RYR1: variants seen among roughly 807,000 people sequenced by gnomAD.
The protein encoded by RYR1 is central core disease of muscle.
In RYR1, 342 loss-of-function variants were observed where a neutral mutation model predicts 583.5. That is an observed-to-expected ratio of 0.59 (90% CI 0.54 to 0.64). The LOEUF is 0.64. Among genes scored for constraint, RYR1 ranks in the 30% least tolerant of loss-of-function variants. The pLI, the probability that RYR1 is intolerant of heterozygous loss-of-function variation, is 0.00. For synonymous variants in RYR1, 2,791 were observed against 2,822.5 expected (o/e 0.99, Z 0.35); for missense variants, 6,032 against 6,917.2 (o/e 0.87, Z 4.54).
intron 63 of RYR1, among the ~76,000 whole-genome samples, chr19:38,513,418 G>T (rs891649333): frequency 1.3e-5 from 2 of 152,150 alleles, no homozygotes; most frequent in African/African-American, 4.8e-5. Context: ...GGCCAAGGTA[G>T]GAAGATCTCT....
At chr19:38,513,231 G>A (rs1970808368) in intron 63 of RYR1, among the ~76,000 whole-genome samples, 1 of 152,162 alleles carries the variant, frequency 6.6e-6, no homozygotes, top group Non-Finnish European at 1.5e-5. Flanking sequence ...TAGCTACCTG[G>A]GAGGCTGAGG....
At chr19:38,507,576 CAG>C in intron 57 of RYR1, 134 bp from the exon 58 acceptor site, 1 of 716,744 alleles carries the variant, frequency 1.4e-6, no homozygotes. Context: ...ATGGGGGACT[CAG>C]AGTGGAGCCC....
intron 89 of RYR1, among the ~76,000 whole-genome samples, chr19:38,548,662 T>C (rs192042925): frequency 3.9e-5 from 6 of 152,334 alleles, no homozygotes; most frequent in Non-Finnish European, 7.3e-5. Flanking sequence ...CACTGCAGCC[T>C]TGACCTCCTG....
At chr19:38,526,339 C>G (rs986711602) in intron 71 of RYR1, among the ~76,000 whole-genome samples, 1 of 151,788 alleles carries the variant, frequency 6.6e-6, no homozygotes, top group Non-Finnish European at 1.5e-5. Flanking sequence ...CTATAGCCCT[C>G]CCCCCAGGAC....
intron 37 of RYR1, 133 bp from the exon 38 acceptor site, chr19:38,492,357 T>G (rs1969586351): frequency 3.4e-6 from 3 of 889,026 alleles, no homozygotes; most frequent in East Asian, 5.4e-5. Flanking sequence ...CAAGACACTG[T>G]CTCAAAAAAA....
chr19:38,532,993 A>T (rs1971811053), intron 78 of RYR1, among the ~76,000 whole-genome samples: 1 of 150,624 alleles, frequency 6.6e-6, no homozygotes, highest in Non-Finnish European at 1.5e-5. Flanking sequence ...GGGATTGAGG[A>T]GGCTCAGGCA....
In RYR1 at chr19:38,466,290, C is replaced by T. The variant is rs780121053; in HGVS notation, c.3070C>T (p.Arg1024Cys). 7.4e-6 allele frequency: 12 copies of T among 1,611,986 alleles called. No individual in the cohort carries two copies. Among genetic ancestry groups the T allele is most frequent in the South Asian group, 3.3e-5 (3 of 90,912 alleles). Residue 1024 changes from arginine to cysteine, a missense_variant, in exon 24 of 106, where the codon CGC becomes TGC. Coordinates refer to ENST00000359596, the MANE Select transcript of RYR1 (RefSeq NM_000540.3). ...CCGAAACCCTCGGCTGGTGCCCTAC[C>T]GCCTGCTGGATGAAGCCACCAAGCG... is the stretch of plus-strand genomic sequence containing the variant. ...ARRNPRLVPY[R>C]LLDEATKRSN...
At chr19:38,509,534 G>C (rs977742835) in intron 58 of RYR1, among the ~76,000 whole-genome samples, 1 of 150,266 alleles carries the variant, frequency 6.7e-6, no homozygotes, top group Non-Finnish European at 1.5e-5. Flanking sequence ...CTCACTGCAG[G>C]CTCCGCCTCC....
In RYR1 at chr19:38,473,602, T is replaced by C; in HGVS notation, c.3991T>C (p.Tyr1331His). Reference protein sequence around the residue: ...EARAAEPDPDYENLRRSAGGW... With the variant: ...EARAAEPDPDHENLRRSAGGW... ...CCGGGCGGCGGAACCCGACCCTGAC[T>C]ACGAAAACCTGCGCCGCTCAGCTGG... The change falls in exon 28 of 106, where the codon TAC becomes CAC. Residue 1331 changes from tyrosine to histidine, a missense_variant. By Grantham distance (83) the Tyr-to-His change is moderately conservative (BLOSUM62 2). This residue lies in a region of RYR1 where 2,627 missense variants were observed against 2,961.3 expected (regional missense o/e 0.89). Coordinates refer to ENST00000359596, the MANE Select transcript of RYR1 (RefSeq NM_000540.3). 6.3e-7 allele frequency: 1 copy of C among 1,576,856 alleles called. No homozygotes were observed. The highest frequency in any genetic ancestry group is 8.6e-7 in the Non-Finnish European group (1 of 1,161,660).
At position 38,545,186 on chromosome 19, in the gene RYR1, T is replaced by C. The variant is rs75360090; in HGVS notation, c.12013-1259T>C. 8.9e-3 allele frequency among the ~76,000 whole-genome samples: 1,362 copies of C among 152,268 alleles called. 39 individuals are homozygous for C. The highest frequency in any genetic ancestry group is 0.077 in the East Asian group (400 of 5,184). ...AGCTTTGACTGACCAGGCCCGGTCA[T>C]ATACCCACCTATAGAACCAGGAGGT... is the stretch of plus-strand genomic sequence containing the variant. On this transcript the variant is annotated intron_variant, in intron 87 of 105. Coordinates refer to ENST00000359596, the MANE Select transcript of RYR1 (RefSeq NM_000540.3).
At chr19:38,551,483 G>A (rs573696429) in intron 89 of RYR1, among the ~76,000 whole-genome samples, 2 of 152,160 alleles carry the variant, frequency 1.3e-5, no homozygotes, top group East Asian at 3.9e-4. Flanking sequence ...ATGCCTTCCA[G>A]TTGTCCCCCA....
At position 38,506,961 on chromosome 19, in the gene RYR1, G is replaced by T. The variant is rs1568514324; in HGVS notation, c.8816+9G>T. ...GGCTACGCGGTTACAAGGCACGCGG[G>T]TTGGGGCTCCCGCGGAAGAGCAGCA... On this transcript the variant is annotated intron_variant, in intron 57 of 105. Coordinates refer to ENST00000359596, the MANE Select transcript of RYR1 (RefSeq NM_000540.3). 1 of 1,612,320 alleles carries T rather than the reference G, an allele frequency of 6.2e-7. No individual in the cohort carries two copies. The highest frequency in any genetic ancestry group is 8.5e-7 in the Non-Finnish European group (1 of 1,180,030).
At chr19:38,577,777 CAG>C in intron 97 of RYR1, 139 bp from the exon 98 acceptor site, 1 of 1,091,598 alleles carries the variant, frequency 9.2e-7, no homozygotes, top group Non-Finnish European at 1.3e-6. Flanking sequence ...GCCTGGGTGA[CAG>C]AGGGAGACTG....
At chr19:38,465,952 T>C (rs908656392) in intron 23 of RYR1, 139 bp from the exon 24 acceptor site, 83 of 847,222 alleles carry the variant, frequency 9.8e-5, no homozygotes, top group Middle Eastern at 3.3e-4. Flanking sequence ...ATTCTAAAAT[T>C]TCATAGAACT....
chr19:38,473,642 C>T lies in RYR1; in HGVS notation c.4031C>T (p.Ala1344Val). ...CGCTCAGCTGGGGGCTGGAGCGAGG[C>T]AGAGAACGGCAAAGAAGGGACTGCG... ...LRRSAGGWSE[A>V]ENGKEGTAKE... Residue 1344 changes from alanine (A) to valine (V), a missense_variant, in exon 28 of 106, where the codon GCA becomes GTA. Transcript: ENST00000359596. The T allele has an allele frequency of 1.3e-6, 2 of 1,558,196 alleles. No individual in the cohort carries two copies. The highest frequency in any genetic ancestry group is 1.7e-6 in the Non-Finnish European group (2 of 1,151,108).
In RYR1 at chr19:38,542,095, C is replaced by T. The variant is rs114048954; in HGVS notation, c.11690-1252C>T. 5.9e-3 allele frequency among the ~76,000 whole-genome samples: 882 copies of T among 148,514 alleles called. 6 individuals carry two copies. The highest frequency in any genetic ancestry group is 0.02 in the African/African-American group (822 of 40,672). ...AAAAAAAAAAAATCCCCCCCAAGGCCGGGGACTGTTTTTTTTTTTTTTACT... is the reference window on the plus strand; with the variant it reads ...AAAAAAAAAAAATCCCCCCCAAGGCTGGGGACTGTTTTTTTTTTTTTTACT... On this transcript the variant is annotated intron_variant, in intron 84 of 105. Transcript: ENST00000359596.
chr19:38,459,388 C>G (rs1292253789), intron 19 of RYR1, 50 bp downstream of exon 19: 1 of 1,553,730 alleles, frequency 6.4e-7, no homozygotes, highest in Non-Finnish European at 8.8e-7. Context: ...TAGGACTGAC[C>G]TGAGACAGCT....
In RYR1 at chr19:38,485,889, C is replaced by T. The variant is rs377476955; in HGVS notation, c.5234C>T (p.Thr1745Met). ...CTCACGCCTGAGACCCGCGCCATCA[C>T]GCTCTTCCCTCCTGGAAGGAGCACA... is the stretch of plus-strand genomic sequence containing the variant. Reference protein sequence around the residue: ...VPLTPETRAITLFPPGRSTEN... With the variant: ...VPLTPETRAIMLFPPGRSTEN... Residue 1745 changes from threonine (T) to methionine (M), a missense_variant, in exon 34 of 106, where the codon ACG (threonine) becomes ATG (methionine). Thr to Met is a moderately conservative substitution (Grantham distance 81). Around this residue, in one of 11 missense-constraint regions of RYR1, gnomAD observed 2,627 missense variants for 2,961.3 expected, o/e 0.89. Transcript: ENST00000359596. The T allele has an allele frequency of 5.6e-6, 9 of 1,613,630 alleles. No homozygotes were observed. Among genetic ancestry groups the T allele is most frequent in the East Asian group, 2.2e-5 (1 of 44,896 alleles).
chr19:38,526,976 T>C lies in RYR1; in HGVS notation c.10627-17T>C, dbSNP rs1221126539. On this transcript the variant is annotated splice_polypyrimidine_tract_variant and intron_variant, in intron 71 of 105. Coordinates refer to ENST00000359596, the MANE Select transcript of RYR1 (RefSeq NM_000540.3). Reference sequence around the variant, plus strand: ...ATGGGACCTCCAGAGTGACCCAGCCTGGCTCTGTCTCCCCAGAAAGACACA... The same window carrying C: ...ATGGGACCTCCAGAGTGACCCAGCCCGGCTCTGTCTCCCCAGAAAGACACA... 6.2e-7 allele frequency: 1 copy of C among 1,613,608 alleles called. No individual in the cohort carries two copies. The highest frequency in any genetic ancestry group is 8.5e-7 in the Non-Finnish European group (1 of 1,179,734).
Sources: allele counts gnomAD v4.1 joint callset (sites outside exome capture counted in the v4.1 genomes callset), GRCh38; gene constraint gnomAD v4.1.1; regional missense constraint gnomAD v4.1.1; transcripts MANE v1.5; gene names NCBI Gene and HGNC (gene_info 2026-07-23, HGNC 2026-07-21).